Variants in DISC1 observed in about 807,000 individuals in gnomAD.
The protein encoded by DISC1 is DISC1 scaffold protein, also known as disrupted in schizophrenia 1 protein.
A neutral mutation model predicts 84.5 loss-of-function variants in DISC1; 57 were observed. That is an observed-to-expected ratio of 0.67 (90% CI 0.55 to 0.84). The LOEUF (loss-of-function observed/expected upper bound fraction) is 0.84. DISC1 is among the 40% of genes least tolerant of loss of function. The pLI, the probability that DISC1 is intolerant of heterozygous loss-of-function variation, is 0.00. For missense variants in DISC1, 1,000 were observed against 1,057.8 expected (o/e 0.95, Z 0.76); for synonymous variants, 411 against 415.2 (o/e 0.99, Z 0.12).
intron 9 of DISC1, among the ~76,000 whole-genome samples, chr1:231,938,542 A>G (rs1405157449): frequency 1.3e-5 from 2 of 152,198 alleles, no homozygotes; most frequent in African/African-American, 2.4e-5. Flanking sequence ...TGAATCCCAG[A>G]GCCTCCAGAA....
At chr1:231,713,707 T>G (rs1210319177) in intron 3 of DISC1, among the ~76,000 whole-genome samples, 1 of 69,892 alleles carries the variant, frequency 1.4e-5, no homozygotes. Flanking sequence ...ATAGGAGATA[T>G]ATATATATAT....
chr1:231,649,628 G>C (rs1205036468), intron 1 of DISC1, among the ~76,000 whole-genome samples: 1 of 152,130 alleles, frequency 6.6e-6, no homozygotes, highest in Non-Finnish European at 1.5e-5. Context: ...CTTCTGTCTT[G>C]TTGATCTGTC....
In DISC1 at chr1:231,749,958, G is replaced by A; in HGVS notation, c.1150G>A (p.Glu384Lys). Residue 384 changes from glutamate (E) to lysine (K), a missense_variant, in exon 4 of 13, where the codon GAA becomes AAA. Coordinates refer to ENST00000439617, the MANE Select transcript of DISC1 (RefSeq NM_018662.3). ...ETLQQRLEDLEQEKISLHFQL... is the reference protein window; with the variant it reads ...ETLQQRLEDLKQEKISLHFQL... ...GTTACAACAAAGATTAGAAGACCTG[G>A]AACAAGAGAAAATCAGCCTGCACTT... 7 of 1,614,190 alleles carry A rather than the reference G, an allele frequency of 4.3e-6. No individual in the cohort carries two copies. Among genetic ancestry groups the A allele is most frequent in the Non-Finnish European group, 5.9e-6 (7 of 1,180,038 alleles).
chr1:231,721,030 G>A (rs1327942704), intron 3 of DISC1: 2 of 1,290,860 alleles, frequency 1.5e-6, no homozygotes, highest in Non-Finnish European at 2.0e-6. Flanking sequence ...TGGAAAATGG[G>A]CATGCCATTC....
chr1:231,824,917 T>TCCAC (rs1159177545), intron 9 of DISC1, among the ~76,000 whole-genome samples: 3 of 144,784 alleles, frequency 2.1e-5, no homozygotes, highest in African/African-American at 5.1e-5. Flanking sequence ...CATCCACCCA[T>TCCAC]CCATCCATCC....
intron 4 of DISC1, among the ~76,000 whole-genome samples, 166 bp from the exon 5 acceptor site, chr1:231,766,974 G>A (rs1328002709): frequency 6.6e-6 from 1 of 152,160 alleles, no homozygotes; most frequent in Non-Finnish European, 1.5e-5. Flanking sequence ...TTGTAATTCA[G>A]GTAGAAACTT....
At chr1:231,801,825 T>G (rs1043050500) in intron 8 of DISC1, among the ~76,000 whole-genome samples, 6 of 151,888 alleles carry the variant, frequency 4.0e-5, no homozygotes. Context: ...ATCTTGGTTT[T>G]TTTTTTTTTT....
At chr1:231,759,539 A>AAG (rs2075443535) in intron 4 of DISC1, among the ~76,000 whole-genome samples, 1 of 149,758 alleles carries the variant, frequency 6.7e-6, no homozygotes, top group East Asian at 2.0e-4. Flanking sequence ...AAAAAAAAAA[A>AAG]AAAAAAAAAA....
intron 11 of DISC1, among the ~76,000 whole-genome samples, chr1:232,020,036 T>C (rs1219669075): frequency 6.6e-6 from 1 of 152,036 alleles, no homozygotes; most frequent in African/African-American, 2.4e-5. Flanking sequence ...CCATCACCAC[T>C]TTGCCCAAGT....
chr1:232,026,762 C>CTTTTTTTTT (rs545455868), intron 12 of DISC1, among the ~76,000 whole-genome samples: 46 of 110,870 alleles, frequency 4.1e-4, no homozygotes, highest in Middle Eastern at 5.5e-3. Flanking sequence ...TTTCTTTTTT[C>CTTTTTTTTT]TTTTTTTTTT....
intron 3 of DISC1, among the ~76,000 whole-genome samples, chr1:231,718,129 C>T (rs1337544220): frequency 2.6e-5 from 4 of 152,138 alleles, no homozygotes; most frequent in Non-Finnish European, 5.9e-5. Flanking sequence ...CCTTTGATCT[C>T]GTAAGTGTTG....
At chr1:231,909,282 A>G (rs559121099) in intron 9 of DISC1, among the ~76,000 whole-genome samples, 11 of 152,286 alleles carry the variant, frequency 7.2e-5, no homozygotes, top group African/African-American at 2.6e-4. Flanking sequence ...GTTTTTGCCC[A>G]TTCAGTATGA....
At chr1:231,649,332 A>G (rs1358175321) in intron 1 of DISC1, among the ~76,000 whole-genome samples, 3 of 152,180 alleles carry the variant, frequency 2.0e-5, no homozygotes, top group Non-Finnish European at 4.4e-5. Flanking sequence ...GTCATTCAGG[A>G]GCAGGTTGTT....
intron 9 of DISC1, among the ~76,000 whole-genome samples, chr1:231,902,473 T>G (rs528753419): frequency 6.6e-6 from 1 of 152,100 alleles, no homozygotes; most frequent in Admixed American, 6.6e-5. Flanking sequence ...TGGTGGTGCA[T>G]GCTTGTAGTT....
At chr1:231,927,383 C>G (rs2090414307) in intron 9 of DISC1, among the ~76,000 whole-genome samples, 1 of 152,178 alleles carries the variant, frequency 6.6e-6, no homozygotes. Flanking sequence ...TTCAACTTCC[C>G]AAGACCTCAT....
intron 12 of DISC1, among the ~76,000 whole-genome samples, chr1:232,028,473 T>G (rs567716044): frequency 2.0e-4 from 30 of 152,290 alleles, no homozygotes; most frequent in African/African-American, 6.0e-4. Context: ...AACAAGGGGT[T>G]AAGCAGTATT....
At chr1:231,982,149 C>G (rs911525086) in intron 10 of DISC1, among the ~76,000 whole-genome samples, 6 of 152,114 alleles carry the variant, frequency 3.9e-5, no homozygotes, top group Non-Finnish European at 8.8e-5. Flanking sequence ...CCAATTTTTT[C>G]TTTAATTAAT....
rs200716591 is a variant in DISC1, at chr1:231,985,548, T to C, written c.2043-23237T>C. 6.6e-4 allele frequency among the ~76,000 whole-genome samples: 100 copies of C among 152,246 alleles called. 3 individuals are homozygous for C. The South Asian group carries it at 6.6e-3, about 10-fold the overall frequency. On this transcript the variant is annotated intron_variant, in intron 10 of 12. Coordinates refer to ENST00000439617, the MANE Select transcript of DISC1 (RefSeq NM_018662.3). ...ATAATAAGGATTAGATGTCAGAAAGTGTGTCATGACATATTTGTGTGTATG... is the reference window on the plus strand; with the variant it reads ...ATAATAAGGATTAGATGTCAGAAAGCGTGTCATGACATATTTGTGTGTATG...
chr1:231,968,646 C>T (rs1223530428), intron 10 of DISC1, among the ~76,000 whole-genome samples: 2 of 150,564 alleles, frequency 1.3e-5, no homozygotes, highest in Admixed American at 1.3e-4. Flanking sequence ...CACACACACA[C>T]AAAAACCTGT....
Sources: gnomAD v4.1 joint callset for allele counts (sites outside exome capture counted in the v4.1 genomes callset) on GRCh38, gnomAD v4.1.1 for gene constraint, MANE v1.5 for transcripts, NCBI Gene and HGNC (gene_info 2026-07-23, HGNC 2026-07-21) for gene names.